Variants in SMAD2 observed in about 807,000 individuals in gnomAD.
The protein encoded by SMAD2 is SMAD family member 2, also known as MAD homolog 2.
SMAD2 carries 8 observed loss-of-function variants against 64.4 expected under a neutral mutation model. The ratio of observed to expected loss-of-function variants is 0.12; its 90% confidence interval spans 0.07 to 0.22. SMAD2 has a LOEUF of 0.22. Ranked by LOEUF, SMAD2 falls within the 10% of genes least tolerant of loss-of-function variation. The probability of loss-of-function intolerance (pLI) is 1.00; values close to 1 mark genes in which losing one functional copy is unlikely to be tolerated. For synonymous variants in SMAD2, 203 were observed against 195.8 expected, an observed-to-expected ratio of 1.04 and a Z score of -0.31; for missense variants, 289 against 561.2, an observed-to-expected ratio of 0.51 and a Z score of 4.90.
chr18:47,899,330 T>C (rs946894445), intron 1 of SMAD2, among the ~76,000 whole-genome samples: 32 of 151,844 alleles, frequency 2.1e-4, no homozygotes, highest in Non-Finnish European at 3.7e-4. Flanking sequence ...AGCAGAGAGA[T>C]CAAACTGTCA....
intron 1 of SMAD2, among the ~76,000 whole-genome samples, chr18:47,922,865 A>G (rs1158082966): frequency 6.6e-6 from 1 of 152,256 alleles, no homozygotes; most frequent in African/African-American, 2.4e-5. Context: ...GACACTGCCA[A>G]CTGGAAACCT....
intron 1 of SMAD2, among the ~76,000 whole-genome samples, chr18:47,921,713 G>GC (rs2034568258): frequency 2.6e-5 from 4 of 152,086 alleles, no homozygotes; most frequent in African/African-American, 9.7e-5. Flanking sequence ...TATAACCTCA[G>GC]CCCCAACTAC....
At chr18:47,848,819 C>A in intron 7 of SMAD2, 132 bp from the exon 8 acceptor site, 1 of 679,730 alleles carries the variant, frequency 1.5e-6, no homozygotes, top group Non-Finnish European at 2.5e-6. Context: ...AGGAAGTAGA[C>A]ATAGTATCTG....
At chr18:47,852,612 ATTC>A (rs1284366328) in intron 6 of SMAD2, among the ~76,000 whole-genome samples, 2 of 152,192 alleles carry the variant, frequency 1.3e-5, no homozygotes, top group South Asian at 2.1e-4. Flanking sequence ...GTTTGGTAGA[ATTC>A]TTCTGTGAAA....
In SMAD2 at chr18:47,813,182, C is replaced by T. The variant is rs571649051; in HGVS notation, c.*28645G>A. 3 of 152,226 alleles carry T rather than the reference C, an allele frequency of 2.0e-5. No homozygotes were observed. Among genetic ancestry groups the T allele is most frequent in the African/African-American group, 7.2e-5 (3 of 41,542 alleles). 9.4% of individuals were successfully genotyped at this position (152,226 alleles called of 1,614,324 possible). On this transcript the variant is annotated 3_prime_UTR_variant, in exon 11 of 11. Coordinates refer to ENST00000262160, the MANE Select transcript of SMAD2 (RefSeq NM_005901.6). Reference sequence around the variant, plus strand: ...AGTGAGTCAAGACTGTGCCATTGCACTCCAGCCTGAGTGATGAAACTTGGT... The same window carrying T: ...AGTGAGTCAAGACTGTGCCATTGCATTCCAGCCTGAGTGATGAAACTTGGT...
At chr18:47,891,552 G>A (rs986105306) in intron 2 of SMAD2, among the ~76,000 whole-genome samples, 5 of 149,232 alleles carry the variant, frequency 3.4e-5, no homozygotes, top group African/African-American at 1.2e-4. Flanking sequence ...CTCTCACTAT[G>A]TTGCCCGGTA....
At chr18:47,882,041 C>CGTTTTTTTTTTTTTTTTTTTTTTTTT (rs2032624892) in intron 2 of SMAD2, among the ~76,000 whole-genome samples, 1 of 38,850 alleles carries the variant, frequency 2.6e-5, no homozygotes, top group East Asian at 8.5e-4. Context: ...CCACGCTTGG[C>CGTTTTTTTTTTTTTTTTTTTTTTTTT]TTTTTTTTTT....
rs752940516 is a variant in SMAD2 at position 47,839,971 on chromosome 18, AG to A, written c.*1855del. ...CCTTCATAGACAAGTAAGATAATTA[AG>A]GGTTAGTGTAACTGCTGTCTCAGCA... On this transcript the variant is annotated 3_prime_UTR_variant, in exon 11 of 11. Transcript: ENST00000262160. 40 of 233,186 alleles carry A rather than the reference AG, an allele frequency of 1.7e-4. No individual in the cohort carries two copies. The Middle Eastern group carries it at 7.6e-3, about 45-fold the overall frequency. 14.4% of individuals were successfully genotyped at this position (233,186 alleles called of 1,614,324 possible).
At chr18:47,907,391 T>C (rs1221902371) in intron 1 of SMAD2, among the ~76,000 whole-genome samples, 2 of 152,160 alleles carry the variant, frequency 1.3e-5, no homozygotes, top group Non-Finnish European at 2.9e-5. Context: ...AAAAACATGC[T>C]GGGCAAAAGA....
At chr18:47,861,414 A>G (rs1375837140) in intron 6 of SMAD2, among the ~76,000 whole-genome samples, 1 of 152,234 alleles carries the variant, frequency 6.6e-6, no homozygotes, top group Non-Finnish European at 1.5e-5. Flanking sequence ...AGAATTCTAG[A>G]ACCAAAAAGT....
At chr18:47,893,755 C>T (rs901836714) in intron 2 of SMAD2, among the ~76,000 whole-genome samples, 1 of 152,088 alleles carries the variant, frequency 6.6e-6, no homozygotes, top group African/African-American at 2.4e-5. Context: ...TAAAAACAAG[C>T]TTTATAAAAT....
chr18:47,844,792 A>G, intron 10 of SMAD2: 1 of 161,386 alleles, frequency 6.2e-6, no homozygotes, highest in Non-Finnish European at 1.4e-5. Context: ...ACTACACTTA[A>G]AACAGCACAG....
chr18:47,881,027 G>C (rs1254510467), intron 2 of SMAD2, among the ~76,000 whole-genome samples: 1 of 152,136 alleles, frequency 6.6e-6, no homozygotes, highest in Non-Finnish European at 1.5e-5. Context: ...GAAAGACTTG[G>C]TTTTGTGTTG....
chr18:47,856,926 C>T (rs2030747426), intron 6 of SMAD2, among the ~76,000 whole-genome samples: 1 of 139,492 alleles, frequency 7.2e-6, no homozygotes, highest in South Asian at 2.2e-4. Flanking sequence ...GGCGGGATCT[C>T]GGCTCACTGC....
chr18:47,850,307 G>GTATAATATATATTATATATAA (rs71162895), intron 7 of SMAD2, among the ~76,000 whole-genome samples: 1 of 21,004 alleles, frequency 4.8e-5, no homozygotes, highest in Non-Finnish European at 7.5e-5. Context: ...TATATATTAT[G>GTATAATATATATTATATATAA]TATGTTATAT....
At chr18:47,872,700 C>T (rs919699598) in intron 2 of SMAD2, among the ~76,000 whole-genome samples, 2 of 152,132 alleles carry the variant, frequency 1.3e-5, no homozygotes, top group Non-Finnish European at 2.9e-5. Flanking sequence ...GTGAACTGCA[C>T]ATGCGAGGGC....
intron 1 of SMAD2, among the ~76,000 whole-genome samples, chr18:47,901,983 G>A (rs771418577): frequency 2.0e-5 from 3 of 152,074 alleles, no homozygotes; most frequent in East Asian, 1.9e-4. Flanking sequence ...TTCTCAAGTC[G>A]CTTCCCCTAG....
chr18:47,873,601 G>A (rs375086297), intron 2 of SMAD2, among the ~76,000 whole-genome samples: 22 of 152,212 alleles, frequency 1.4e-4, no homozygotes, highest in African/African-American at 5.3e-4. Context: ...AAACAGAATG[G>A]AGGTTCTAAT....
At chr18:47,854,078 T>C (rs188353065) in intron 6 of SMAD2, among the ~76,000 whole-genome samples, 2 of 138,826 alleles carry the variant, frequency 1.4e-5, no homozygotes, top group Non-Finnish European at 1.5e-5. Flanking sequence ...TAACAATTAA[T>C]AGAAGCCTTT....
Sources: gnomAD v4.1 joint callset for allele counts (sites outside exome capture counted in the v4.1 genomes callset) on GRCh38, gnomAD v4.1.1 for gene constraint, MANE v1.5 for transcripts, NCBI Gene and HGNC (gene_info 2026-07-23, HGNC 2026-07-21) for gene names.